Variants in LOC131768270 observed in about 807,000 individuals in gnomAD.
At chr5:140,565,299 G>A in the LOC131768270 span, 1 of 169,788 alleles carries the variant, frequency 5.9e-6, no homozygotes, top group East Asian at 1.6e-4. Flanking sequence ...TTACACACTT[G>A]CCGACAGTCT....
the LOC131768270 span, chr5:140,566,859 A>C: frequency 3.3e-6 from 2 of 608,364 alleles, no homozygotes; most frequent in Non-Finnish European, 2.9e-6. Context: ...GCTATCTCCA[A>C]CTTTCCTGCC....
At chr5:140,566,657 T>A in the LOC131768270 span, 1 of 493,834 alleles carries the variant, frequency 2.0e-6, no homozygotes, top group Admixed American at 3.7e-5. Context: ...TGGGCTTTGC[T>A]GTGGGCACCT....
the LOC131768270 span, chr5:140,564,836 C>T: frequency 2.5e-6 from 1 of 400,660 alleles, no homozygotes; most frequent in Non-Finnish European, 4.4e-6. The surrounding 1 kb of genome is among the most constrained non-coding windows in gnomAD (Gnocchi z 5.0). Flanking sequence ...ACAAGTTCGG[C>T]GGGGAAGATG....
chr5:140,567,246 C>G, the LOC131768270 span: 1 of 1,614,206 alleles, frequency 6.2e-7, no homozygotes. Flanking sequence ...CTACTCCTAT[C>G]CACTGCCATG....
chr5:140,567,593 CAG>C, the LOC131768270 span: 8 of 1,614,270 alleles, frequency 5.0e-6, no homozygotes, highest in Non-Finnish European at 3.4e-6. Context: ...CTCTGTGCGT[CAG>C]GGGTTAGCGC....
the LOC131768270 span, chr5:140,567,908 G>A: frequency 4.3e-6 from 7 of 1,614,092 alleles, no homozygotes; most frequent in East Asian, 2.2e-5. Flanking sequence ...AGGCCTCCTG[G>A]AAGGTTTCTC....
chr5:140,568,099 A>G, the LOC131768270 span: 4,360 of 1,613,750 alleles, frequency 2.7e-3, 125 homozygotes, highest in African/African-American at 0.052. Flanking sequence ...TCCTGGCCAC[A>G]TTGCTCATTG....
At chr5:140,569,063 T>A in the LOC131768270 span, 1 of 167,044 alleles carries the variant, frequency 6.0e-6, no homozygotes, top group African/African-American at 2.4e-5. Flanking sequence ...CTTAATAAAG[T>A]CTTCTAGGCT....
the LOC131768270 span, chr5:140,567,497 A>G: frequency 5.0e-6 from 8 of 1,614,028 alleles, no homozygotes; most frequent in African/African-American, 8.0e-5. Flanking sequence ...TCAGCGTTAC[A>G]TGGACCCCAG....
At chr5:140,566,530 C>A in the LOC131768270 span, 1 of 413,976 alleles carries the variant, frequency 2.4e-6, no homozygotes, top group Non-Finnish European at 4.3e-6. Context: ...CAGGAAGGAG[C>A]CTAGCTAAGT....
At chr5:140,568,613 C>T in the LOC131768270 span, 4 of 190,568 alleles carry the variant, frequency 2.1e-5, no homozygotes, top group East Asian at 1.7e-4. Context: ...GATCCTCACC[C>T]TTCCACTTTC....
chr5:140,566,944 C>G, the LOC131768270 span: 1 of 707,712 alleles, frequency 1.4e-6, no homozygotes. Context: ...TCCTTCTTCC[C>G]CTTCCTAGCT....
the LOC131768270 span, chr5:140,567,775 G>A: frequency 2.2e-5 from 35 of 1,614,032 alleles, no homozygotes; most frequent in Non-Finnish European, 2.8e-5. Context: ...CAGGCTTGTC[G>A]TCAGTGTACA....
the LOC131768270 span, chr5:140,568,028 C>G: frequency 1.2e-6 from 2 of 1,614,042 alleles, no homozygotes; most frequent in Admixed American, 3.3e-5. Context: ...GTCCTGCTCG[C>G]TGGTGGTCAA....
the LOC131768270 span, chr5:140,566,930 G>A: frequency 2.9e-6 from 2 of 683,598 alleles, no homozygotes; most frequent in Non-Finnish European, 5.3e-6. Context: ...CCTGCACCCT[G>A]GATTCCTTCT....
At chr5:140,567,241 C>T in the LOC131768270 span, 1 of 1,614,202 alleles carries the variant, frequency 6.2e-7, no homozygotes. Flanking sequence ...TGATGCTACT[C>T]CTATCCACTG....
At chr5:140,566,281 G>T in the LOC131768270 span, among the ~76,000 whole-genome samples, 2 of 152,280 alleles carry the variant, frequency 1.3e-5, no homozygotes, top group East Asian at 3.9e-4. Flanking sequence ...AGCATGCTAG[G>T]AAATGAGGCT....
the LOC131768270 span, chr5:140,566,619 G>C: frequency 2.3e-6 from 1 of 441,636 alleles, no homozygotes; most frequent in Non-Finnish European, 4.0e-6. Flanking sequence ...TGGCTATGTG[G>C]TGGCCAAACT....
chr5:140,568,288 G>A, the LOC131768270 span: 1 of 1,337,290 alleles, frequency 7.5e-7, no homozygotes, highest in African/African-American at 1.5e-5. Flanking sequence ...GGGCAGCCAG[G>A]TTATTCTCTG....
Sources: allele counts gnomAD v4.1 joint callset (sites outside exome capture counted in the v4.1 genomes callset), GRCh38; gene constraint gnomAD v4.1.1; non-coding constraint Gnocchi (gnomAD v3.1); transcripts MANE v1.5.